The following ZFAND4 variants were observed in gnomAD, a reference collection of about 807,000 sequenced individuals.
ZFAND4 encodes zinc finger AN1-type containing 4.
In ZFAND4, 43 loss-of-function variants were observed where a neutral mutation model predicts 64.4. The ratio of observed to expected loss-of-function variants is 0.67; its 90% confidence interval spans 0.52 to 0.86. The LOEUF (loss-of-function observed/expected upper bound fraction) is 0.86, where lower values mean the gene tolerates loss of function less well. Ranked by LOEUF, ZFAND4 falls within the 40% of genes least tolerant of loss-of-function variation. ZFAND4 has a pLI of 0.00. For synonymous variants in ZFAND4, 296 were observed against 305.7 expected, an observed-to-expected ratio of 0.97 and a Z score of 0.33; for missense variants, 929 against 859.8, an observed-to-expected ratio of 1.08 and a Z score of -1.01.
chr10:45,633,567 C>G (rs905250368), intron 6 of ZFAND4, among the ~76,000 whole-genome samples: 1 of 151,772 alleles, frequency 6.6e-6, no homozygotes, highest in African/African-American at 2.4e-5. Flanking sequence ...AACCAAAAAG[C>G]CTCTGCCACC....
chr10:45,625,517 A>G (rs1051377909), intron 7 of ZFAND4, among the ~76,000 whole-genome samples: 9 of 150,200 alleles, frequency 6.0e-5, no homozygotes, highest in Admixed American at 1.3e-4. Context: ...GTGAAATTTG[A>G]TGACTCAAAT....
Position 45,648,971 on chromosome 10 carries a change from A to G in ZFAND4, c.329-437T>C, listed in dbSNP as rs750962723. ...AAATAAATTCCACTTACGTTAGATT[A>G]AAAGTACACAGACACGGCCGGGTGC... On this transcript the variant is annotated intron_variant, in intron 4 of 9. Transcript: ENST00000344646. 8.2e-5 allele frequency: 81 copies of G among 985,168 alleles called. No homozygotes were observed. In the Admixed American group the frequency reaches 3.2e-3, roughly 39 times the overall value. The allele number at this position is 985,168 out of a possible 1,614,324, so 61.0% of individuals were successfully genotyped here. A position where few individuals can be genotyped will look rare whatever the true frequency, so the allele number is the denominator to read the frequency against.
At chr10:45,642,466 G>T (rs2133719645) in intron 5 of ZFAND4, among the ~76,000 whole-genome samples, 1 of 151,972 alleles carries the variant, frequency 6.6e-6, no homozygotes, top group East Asian at 1.9e-4. Flanking sequence ...AATTCGCCGG[G>T]CGTGGTGGCG....
chr10:45,625,313 AT>A (rs367737307), intron 7 of ZFAND4, among the ~76,000 whole-genome samples: 15,534 of 150,128 alleles, frequency 0.1, 1,105 homozygotes, highest in Admixed American at 0.19. Context: ...TCTACTAAAA[AT>A]ACAAAAAAAA....
At chr10:45,624,490 A>G in intron 8 of ZFAND4, 93 bp downstream of exon 8, 2 of 1,134,994 alleles carry the variant, frequency 1.8e-6, no homozygotes, top group Admixed American at 1.9e-5. Flanking sequence ...TGCCACAGAG[A>G]AGGTTCTTCC....
chr10:45,651,543 A>G (rs530359797), intron 4 of ZFAND4: 35 of 470,622 alleles, frequency 7.4e-5, no homozygotes, highest in African/African-American at 5.8e-4. Flanking sequence ...GATAATATCC[A>G]TGAAACCCAG....
In ZFAND4 at chr10:45,663,618, A is replaced by G. The variant is rs771843176; in HGVS notation, c.108T>C (p.Thr36=). The G allele has an allele frequency of 1.2e-6, 2 of 1,611,612 alleles. No individual in the cohort carries two copies. Among genetic ancestry groups the G allele is most frequent in the Admixed American group, 3.4e-5 (2 of 59,524 alleles). ...AAACTCTCAGCTCAAAACATGTTCC[A>G]GTTAATGTTTCAATGAAGAGCTCCA... The part of the protein sequence containing the change: ...DTMELFIETL[T]GTCFELRVSP... The change falls in exon 2 of 10, where the codon ACT becomes ACC. Residue 36 remains threonine, a synonymous_variant. Transcript: ENST00000344646.
intron 5 of ZFAND4, among the ~76,000 whole-genome samples, chr10:45,646,452 C>T (rs1163470950): frequency 6.6e-6 from 1 of 151,990 alleles, no homozygotes; most frequent in African/African-American, 2.4e-5. Context: ...CTTTCCTTGT[C>T]CAATTATTGT....
At chr10:45,617,218 C>T (rs1280741293) in intron 9 of ZFAND4, among the ~76,000 whole-genome samples, 2 of 152,050 alleles carry the variant, frequency 1.3e-5, no homozygotes, top group Admixed American at 1.3e-4. Flanking sequence ...CTGAGGAATT[C>T]AGTCTCATGA....
At chr10:45,649,262 G>T (rs1010878809) in intron 4 of ZFAND4, among the ~76,000 whole-genome samples, 1 of 151,958 alleles carries the variant, frequency 6.6e-6, no homozygotes, top group African/African-American at 2.4e-5. Flanking sequence ...TATAAAGGCT[G>T]ATTCTTAAGA....
At position 45,639,930 on chromosome 10, in the gene ZFAND4, C is replaced by A; in HGVS notation, c.603G>T (p.Glu201Asp). The A allele has an allele frequency of 6.2e-7, 1 of 1,612,854 alleles. No individual in the cohort carries two copies. The highest frequency in any genetic ancestry group is 8.5e-7 in the Non-Finnish European group (1 of 1,179,804). The change falls in exon 6 of 10, where the codon GAG becomes GAT. Residue 201 changes from glutamate (E) to aspartate (D), a missense_variant. By Grantham distance (45) the Glu-to-Asp change is conservative. Coordinates refer to ENST00000344646, the MANE Select transcript of ZFAND4 (RefSeq NM_174890.4). Reference protein sequence around the residue: ...GGSMYNSDTDEDEETEPSSSG... With the variant: ...GGSMYNSDTDDDEETEPSSSG... ...AAGAAGAAGGCTCAGTTTCTTCATCCTCATCTGTATCTGAATTATACATAG... is the reference window on the plus strand; with the variant it reads ...AAGAAGAAGGCTCAGTTTCTTCATCATCATCTGTATCTGAATTATACATAG...
At chr10:45,665,545 T>A (rs1168065237) in intron 1 of ZFAND4, among the ~76,000 whole-genome samples, 37 of 151,042 alleles carry the variant, frequency 2.4e-4, no homozygotes, top group Non-Finnish European at 4.6e-4. Context: ...CATCATTAAA[T>A]AAGAAAAAAA....
chr10:45,652,008 G>C lies in ZFAND4; in HGVS notation c.286C>G (p.Leu96Val), dbSNP rs747501740. The C allele has an allele frequency of 6.8e-6, 11 of 1,613,614 alleles. No individual in the cohort carries two copies. The Admixed American group carries it at 1.3e-4, about 20-fold the overall frequency. ...GGTCCGCCACGCATAGCCAAAACTA[G>C]CTTCAAGGTACACCCTTCTGAAATG... The part of the protein sequence containing the change: ...YNISEGCTLK[L>V]VLAMRGGPIN... The change falls in exon 4 of 10, where the codon CTA (leucine) becomes GTA (valine). Residue 96 changes from leucine (L) to valine (V), a missense_variant. Physicochemically the swap from Leu to Val is conservative, Grantham distance 32 (BLOSUM62 1). Coordinates refer to ENST00000344646, the MANE Select transcript of ZFAND4 (RefSeq NM_174890.4).
rs949984173 is a variant in ZFAND4 at position 45,616,643 on chromosome 10, C to T, written c.2049-72G>A. The T allele has an allele frequency of 2.6e-6, 4 of 1,548,936 alleles. No individual in the cohort carries two copies. The African/African-American group carries it at 4.1e-5, about 16-fold the overall frequency. On this transcript the variant is annotated intron_variant, in intron 9 of 9. Transcript: ENST00000344646. ...GGCTCATCTGTCTGGGAGACAGGAG[C>T]TTGACTTCAGGTAGTCCAACAGGGG... is the stretch of plus-strand genomic sequence containing the variant.
chr10:45,636,164 G>A (rs1158835120), intron 6 of ZFAND4, among the ~76,000 whole-genome samples: 1 of 152,114 alleles, frequency 6.6e-6, no homozygotes, highest in Non-Finnish European at 1.5e-5. Context: ...CACAATATCA[G>A]AATATTTTTA....
intron 7 of ZFAND4, among the ~76,000 whole-genome samples, chr10:45,625,398 C>A (rs1036323036): frequency 2.0e-5 from 3 of 146,744 alleles, no homozygotes. Context: ...GGCGTGAACC[C>A]GGGAGGCAGA....
At chr10:45,640,001 T>A (rs763314741) in intron 5 of ZFAND4, 38 bp from the exon 6 acceptor site, 1 of 1,579,686 alleles carries the variant, frequency 6.3e-7, no homozygotes, top group Non-Finnish European at 8.6e-7. Flanking sequence ...ATTTTTCTGA[T>A]ACCTGCTCAG....
intron 8 of ZFAND4, among the ~76,000 whole-genome samples, chr10:45,624,228 T>C (rs72798228): frequency 0.11 from 16,636 of 152,238 alleles, 1,212 homozygotes; most frequent in Admixed American, 0.2. Context: ...GGCCATGATG[T>C]TGAAAGACAT....
At chr10:45,625,533 G>C (rs1589255546) in intron 7 of ZFAND4, among the ~76,000 whole-genome samples, 1 of 142,468 alleles carries the variant, frequency 7.0e-6, no homozygotes, top group South Asian at 2.3e-4. Context: ...CAAATAAAAA[G>C]TTCTTACTTG....
Sources: gnomAD v4.1 joint callset for allele counts (sites outside exome capture counted in the v4.1 genomes callset) on GRCh38, gnomAD v4.1.1 for gene constraint, MANE v1.5 for transcripts, NCBI Gene and HGNC (gene_info 2026-07-23, HGNC 2026-07-21) for gene names.